The following HSD17B4 variants were observed in gnomAD, a reference collection of about 807,000 sequenced individuals.
HSD17B4 encodes the protein hydroxysteroid 17-beta dehydrogenase 4.
A neutral mutation model predicts 101.0 loss-of-function variants in HSD17B4; 70 were observed. The ratio of observed to expected loss-of-function variants is 0.69; its 90% CI spans 0.57 to 0.85. HSD17B4 has a LOEUF of 0.85. HSD17B4 is among the 40% of genes least tolerant of loss of function. The probability of loss-of-function intolerance (pLI) is 0.00; values close to 1 mark genes in which losing one functional copy is unlikely to be tolerated. For synonymous variants in HSD17B4, 347 were observed against 297.1 expected (o/e 1.17, Z -1.73); for missense variants, 984 against 892.4 (o/e 1.10, Z -1.31).
chr5:119,526,292 A>G (rs190247291), intron 19 of HSD17B4, among the ~76,000 whole-genome samples: 2 of 150,812 alleles, frequency 1.3e-5, no homozygotes, highest in East Asian at 3.9e-4. Context: ...TTATATATAT[A>G]TATATCAGTA....
intron 22 of HSD17B4, among the ~76,000 whole-genome samples, chr5:119,533,804 G>A (rs1754317309): frequency 6.6e-6 from 1 of 152,094 alleles, no homozygotes; most frequent in Non-Finnish European, 1.5e-5. Flanking sequence ...TGACATGCAG[G>A]AAGAAAATGG....
chr5:119,518,507 G>C (rs1303795956), intron 17 of HSD17B4, among the ~76,000 whole-genome samples: 4 of 152,182 alleles, frequency 2.6e-5, no homozygotes, highest in African/African-American at 9.7e-5. Context: ...TGGTATGTGG[G>C]TGTTTTCTCT....
chr5:119,503,735 TTCTG>T (rs552322474), intron 14 of HSD17B4, among the ~76,000 whole-genome samples: 56 of 148,628 alleles, frequency 3.8e-4, no homozygotes, highest in Admixed American at 7.3e-4. Flanking sequence ...GTACTTTCTT[TTCTG>T]TCTGTTTTTT....
chr5:119,502,358 C>T (rs560864294), intron 14 of HSD17B4, among the ~76,000 whole-genome samples: 4 of 152,028 alleles, frequency 2.6e-5, no homozygotes, highest in Non-Finnish European at 4.4e-5. Context: ...AAGGAACGTT[C>T]GTGTATGTGC....
At chr5:119,460,000 A>C (rs967593723) in intron 2 of HSD17B4, among the ~76,000 whole-genome samples, 1 of 151,482 alleles carries the variant, frequency 6.6e-6, no homozygotes, top group Non-Finnish European at 1.5e-5. Flanking sequence ...CCTCCTAAGT[A>C]GCTGGGACTA....
intron 15 of HSD17B4, among the ~76,000 whole-genome samples, chr5:119,508,627 A>G (rs143826957): frequency 5.4e-4 from 82 of 152,332 alleles, no homozygotes; most frequent in African/African-American, 1.9e-3. Context: ...ATTAATAAAC[A>G]CTTATTAGGT....
intron 1 of HSD17B4, among the ~76,000 whole-genome samples, chr5:119,455,399 C>T (rs1381486563): frequency 6.6e-6 from 1 of 152,092 alleles, no homozygotes; most frequent in Non-Finnish European, 1.5e-5. Flanking sequence ...CGCCTGTAGT[C>T]CCAGCTACTC....
intron 13 of HSD17B4, 143 bp downstream of exon 13, chr5:119,499,696 T>C (rs1481847699): frequency 4.4e-6 from 2 of 459,264 alleles, no homozygotes; most frequent in Non-Finnish European, 7.4e-6. Flanking sequence ...GCATATCTTT[T>C]GATTTTTCTT....
chr5:119,527,219 G>T lies in HSD17B4; in HGVS notation c.1767G>T (p.Lys589Asn), dbSNP rs142527052. 28 of 1,589,484 alleles carry T rather than the reference G, an allele frequency of 1.8e-5. No individual in the cohort carries two copies. In the Admixed American group the frequency reaches 4.2e-4, roughly 24 times the overall value. The change falls in exon 20 of 24, where the codon AAG (lysine) becomes AAT (asparagine). Residue 589 changes from lysine to asparagine, a missense_variant and splice_region_variant. Physicochemically the swap from Lys to Asn is moderately conservative, Grantham distance 94 (BLOSUM62 0). Coordinates refer to ENST00000510025, the MANE Select transcript of HSD17B4 (RefSeq NM_000414.4). Reference protein sequence around the residue: ...KEGNRIHFQTKVQETGDIVIS... With the variant: ...KEGNRIHFQTNVQETGDIVIS... ...GAAACAGAATTCATTTTCAAACCAA[G>T]GTATGAATTTTGCTTTTTCACCCTT... is the stretch of plus-strand genomic sequence containing the variant.
intron 21 of HSD17B4, 187 bp downstream of exon 21, chr5:119,530,167 A>G (rs1326207699): frequency 1.7e-6 from 1 of 592,974 alleles, no homozygotes; most frequent in Non-Finnish European, 3.0e-6. Flanking sequence ...TATGAACTTT[A>G]AAAAACTCGT....
chr5:119,536,010 G>A (rs918029544), intron 22 of HSD17B4: 3 of 229,710 alleles, frequency 1.3e-5, no homozygotes, highest in African/African-American at 7.0e-5. Flanking sequence ...TCTTTCAGAA[G>A]CTTAGTTATT....
chr5:119,496,664 C>G lies in HSD17B4; in HGVS notation c.972+18C>G. On this transcript the variant is annotated intron_variant, in intron 12 of 23. Transcript: ENST00000510025. ...CAGGATTTGTAAGTGGGAAAAAAGC[C>G]TAAAGCGTTTGCCTTCTCTGGAGAC... 1 of 1,396,714 alleles carries G rather than the reference C, an allele frequency of 7.2e-7. No homozygotes were observed. Among genetic ancestry groups the G allele is most frequent in the South Asian group, 1.2e-5 (1 of 86,758 alleles). The allele number at this position is 1,396,714 out of a possible 1,614,324, so 86.5% of individuals were successfully genotyped here. A position where few individuals can be genotyped will look rare whatever the true frequency, so the allele number is the denominator to read the frequency against.
chr5:119,463,709 C>T lies in HSD17B4; in HGVS notation c.112+7341C>T, dbSNP rs116474842. Among the ~76,000 whole-genome samples, 422 of 132,044 alleles carry T rather than the reference C, an allele frequency of 3.2e-3. 2 individuals are homozygous for T. Among genetic ancestry groups the T allele is most frequent in the African/African-American group, 0.011 (399 of 35,168 alleles). 86.6% of individuals were successfully genotyped at this position (132,044 alleles called of 152,430 possible). A position where few individuals can be genotyped will look rare whatever the true frequency, so the allele number is the denominator to read the frequency against. ...TTAAGAAAGAGTGTTACTCCGTTGC[C>T]CAGGCTAGAGTGCAAGTGGTGTCAT... On this transcript the variant is annotated intron_variant, in intron 2 of 23. Coordinates refer to ENST00000510025, the MANE Select transcript of HSD17B4 (RefSeq NM_000414.4).
intron 2 of HSD17B4, among the ~76,000 whole-genome samples, chr5:119,458,817 C>T (rs920275297): frequency 6.6e-6 from 1 of 152,028 alleles, no homozygotes; most frequent in Middle Eastern, 3.4e-3. Context: ...TAAATTACAT[C>T]TTTCAGGAAA....
At chr5:119,502,140 G>C (rs1751229601) in intron 14 of HSD17B4, 48 bp downstream of exon 14, 1 of 1,175,190 alleles carries the variant, frequency 8.5e-7, no homozygotes, top group Non-Finnish European at 1.3e-6. Context: ...TTTATTTCCA[G>C]ATTAACCTTT....
chr5:119,471,846 C>G, intron 2 of HSD17B4: 1 of 534,930 alleles, frequency 1.9e-6, no homozygotes, highest in Middle Eastern at 4.9e-4. Context: ...ATTATGTTGG[C>G]TTGGATATAC....
chr5:119,478,322 G>C (rs904041686), intron 7 of HSD17B4, among the ~76,000 whole-genome samples: 12 of 152,170 alleles, frequency 7.9e-5, no homozygotes, highest in Non-Finnish European at 1.6e-4. Context: ...AATTGCTTGT[G>C]ATGCCTGTTT....
intron 2 of HSD17B4, among the ~76,000 whole-genome samples, chr5:119,467,950 G>C (rs1755980726): frequency 6.6e-6 from 1 of 151,928 alleles, no homozygotes; most frequent in African/African-American, 2.4e-5. Context: ...GTTTCTTGTA[G>C]GTAGCATATA....
intron 8 of HSD17B4, among the ~76,000 whole-genome samples, chr5:119,480,090 T>C (rs1191398661): frequency 3.3e-5 from 5 of 152,210 alleles, no homozygotes; most frequent in Admixed American, 6.6e-5. Flanking sequence ...TAGTGACATA[T>C]GTTATTGAAC....
Sources: allele counts gnomAD v4.1 joint callset (sites outside exome capture counted in the v4.1 genomes callset), GRCh38; gene constraint gnomAD v4.1.1; transcripts MANE v1.5; gene names NCBI Gene and HGNC (gene_info 2026-07-23, HGNC 2026-07-21).